The following FGF19 variants were observed in gnomAD, a reference collection of about 807,000 sequenced individuals.
The protein encoded by FGF19 is FGF-19.
In FGF19, 5 loss-of-function variants were observed where a neutral mutation model predicts 8.9. That is an observed-to-expected ratio of 0.56 (90% confidence interval 0.29 to 1.18). FGF19 has a LOEUF of 1.18. FGF19 is among the 50% of genes most tolerant of loss of function. The pLI is 0.08. For missense variants in FGF19, 237 were observed against 293.9 expected, an observed-to-expected ratio of 0.81 and a Z score of 1.42; for synonymous variants, 124 against 128.0, an observed-to-expected ratio of 0.97 and a Z score of 0.21.
chr11:69,699,511 G>A lies in FGF19; in HGVS notation c.402C>T (p.Tyr134=), dbSNP rs749084375. 48 of 1,614,028 alleles carry A rather than the reference G, an allele frequency of 3.0e-5. No individual in the cohort carries two copies. The highest frequency in any genetic ancestry group is 3.6e-5 in the Non-Finnish European group (43 of 1,180,012). The change falls in exon 3 of 3, where the codon TAC becomes TAT. Residue 134 remains tyrosine (Y), a synonymous_variant. Transcript: ENST00000294312. The part of the protein sequence containing the change: ...EEIRPDGYNV[Y]RSEKHRLPVS... ...CCGGGAGGCGGTGCTTCTCGGATCG[G>A]TACACATTGTAGCCATCTGGGCGGA... is the stretch of plus-strand genomic sequence containing the variant.
chr11:69,700,519 G>C (rs1854757202), intron 2 of FGF19, among the ~76,000 whole-genome samples: 1 of 152,200 alleles, frequency 6.6e-6, no homozygotes, highest in Non-Finnish European at 1.5e-5. Flanking sequence ...GGCACTTTGG[G>C]AAACACTGAT....
Position 69,703,991 on chromosome 11 carries a change from G to T in FGF19, c.-115C>A. On this transcript the variant is annotated 5_prime_UTR_variant, in exon 1 of 3. Coordinates refer to ENST00000294312, the MANE Select transcript of FGF19 (RefSeq NM_005117.3). The surrounding 1 kb of genome is among the most constrained non-coding windows in gnomAD (Gnocchi z 6.8). ...CCGGGTTGGGATGGTCGTGGCCCTA[G>T]ATCCTGGACGCAGCGCTCCTGCTCT... The T allele has an allele frequency of 1.7e-6, 1 of 587,562 alleles. No homozygotes were observed. The highest frequency in any genetic ancestry group is 2.5e-6 in the Non-Finnish European group (1 of 398,214). The allele number at this position is 587,562 out of a possible 1,614,324, so 36.4% of individuals were successfully genotyped here. A position where few individuals can be genotyped will look rare whatever the true frequency, so the allele number is the denominator to read the frequency against.
Position 69,699,181 on chromosome 11 carries a change from C to G in FGF19, c.*81G>C. ...AGCTAAACAGAACGTGGACTCAGGA[C>G]TGTTCTTGTAGAAGCACGTCCCCCA... On this transcript the variant is annotated 3_prime_UTR_variant, in exon 3 of 3. Coordinates refer to ENST00000294312, the MANE Select transcript of FGF19 (RefSeq NM_005117.3). 1 of 992,358 alleles carries G rather than the reference C, an allele frequency of 1.0e-6. No individual in the cohort carries two copies. The allele number at this position is 992,358 out of a possible 1,614,324, so 61.5% of individuals were successfully genotyped here.
chr11:69,702,542 G>T lies in FGF19; in HGVS notation c.336+719C>A, dbSNP rs1854786066. On this transcript the variant is annotated intron_variant, in intron 2 of 2. Transcript: ENST00000294312. The surrounding 1 kb of genome is among the most constrained non-coding windows in gnomAD (Gnocchi z 4.6). ...CCAGCCTTTGTTCCCGGCCACCAGAGCCCCAGCGCTCGTACACTTCCGGCC... is the reference window on the plus strand; with the variant it reads ...CCAGCCTTTGTTCCCGGCCACCAGATCCCCAGCGCTCGTACACTTCCGGCC... 6.6e-6 allele frequency among the ~76,000 whole-genome samples: 1 copy of T among 151,964 alleles called. No homozygotes were observed. Among genetic ancestry groups the T allele is most frequent in the South Asian group, 2.1e-4 (1 of 4,824 alleles).
rs1367634019 is a variant in FGF19, at chr11:69,702,351, T to A, written c.336+910A>T. Among the ~76,000 whole-genome samples, 1 of 152,164 alleles carries A rather than the reference T, an allele frequency of 6.6e-6. No individual in the cohort carries two copies. The highest frequency in any genetic ancestry group is 1.5e-5 in the Non-Finnish European group (1 of 68,006). On this transcript the variant is annotated intron_variant, in intron 2 of 2. Coordinates refer to ENST00000294312, the MANE Select transcript of FGF19 (RefSeq NM_005117.3). The surrounding 1 kb of genome is among the most constrained non-coding windows in gnomAD (Gnocchi z 4.6). ...GGCCGGAGGCGGCCCCGCCTCTGCA[T>A]CCTTTCTGGGGTGGGGGCCCCGGGC...
In FGF19 at chr11:69,703,530, G is replaced by C. The variant is rs1854801073; in HGVS notation, c.232+115C>G. ...CCAAAACCTGGGGTTCCCAGGAGTT[G>C]AGGGGTCCGCAGGAGCCTAAGGGTG... On this transcript the variant is annotated intron_variant, in intron 1 of 2. Transcript: ENST00000294312. The surrounding 1 kb of genome is among the most constrained non-coding windows in gnomAD (Gnocchi z 6.8). The C allele has an allele frequency of 1.3e-6, 1 of 787,962 alleles. No individual in the cohort carries two copies. Among genetic ancestry groups the C allele is most frequent in the Non-Finnish European group, 1.8e-6 (1 of 545,326 alleles). The allele number at this position is 787,962 out of a possible 1,614,324, so 48.8% of individuals were successfully genotyped here. A position where few individuals can be genotyped will look rare whatever the true frequency, so the allele number is the denominator to read the frequency against.
rs867572698 is a variant in FGF19 at position 69,703,986 on chromosome 11, C to T, written c.-110G>A. 1.4e-5 allele frequency: 9 copies of T among 634,220 alleles called. No individual in the cohort carries two copies. The highest frequency in any genetic ancestry group is 4.8e-4 in the Middle Eastern group (1 of 2,094). 39.3% of individuals were successfully genotyped at this position (634,220 alleles called of 1,614,324 possible). A position where few individuals can be genotyped will look rare whatever the true frequency, so the allele number is the denominator to read the frequency against. ...GAGTGCCGGGTTGGGATGGTCGTGG[C>T]CCTAGATCCTGGACGCAGCGCTCCT... On this transcript the variant is annotated 5_prime_UTR_variant, in exon 1 of 3. Coordinates refer to ENST00000294312, the MANE Select transcript of FGF19 (RefSeq NM_005117.3). The surrounding 1 kb of genome is among the most constrained non-coding windows in gnomAD (Gnocchi z 6.8).
At position 69,703,409 on chromosome 11, in the gene FGF19, C is replaced by T. The variant is rs1227217129; in HGVS notation, c.233-45G>A. On this transcript the variant is annotated intron_variant, in intron 1 of 2. Transcript: ENST00000294312. The surrounding 1 kb of genome is among the most constrained non-coding windows in gnomAD (Gnocchi z 6.8). ...GAAGCTGCAGCAAGGACCGCTGGGC[C>T]CGCACCACGTGGGTGCGGTCGGTCC... 4.1e-6 allele frequency: 6 copies of T among 1,466,220 alleles called. No individual in the cohort carries two copies. The highest frequency in any genetic ancestry group is 5.6e-6 in the Non-Finnish European group (6 of 1,067,388). The allele number at this position is 1,466,220 out of a possible 1,614,324, so 90.8% of individuals were successfully genotyped here. A position where few individuals can be genotyped will look rare whatever the true frequency, so the allele number is the denominator to read the frequency against.
Position 69,698,882 on chromosome 11 carries a change from C to T in FGF19, c.*380G>A, listed in dbSNP as rs950971962. The T allele has an allele frequency of 6.0e-5, 15 of 250,270 alleles. No individual in the cohort carries two copies. The highest frequency in any genetic ancestry group is 1.2e-4 in the Non-Finnish European group (15 of 128,008). 15.5% of individuals were successfully genotyped at this position (250,270 alleles called of 1,614,324 possible). On this transcript the variant is annotated 3_prime_UTR_variant, in exon 3 of 3. Coordinates refer to ENST00000294312, the MANE Select transcript of FGF19 (RefSeq NM_005117.3). Reference sequence around the variant, plus strand: ...AACTACTGCCTGTCTTCTGGCTGCTCCTGGGGAAGTGATGAGAAAAAATTA... The same window carrying T: ...AACTACTGCCTGTCTTCTGGCTGCTTCTGGGGAAGTGATGAGAAAAAATTA...
chr11:69,703,934 G>A lies in FGF19; in HGVS notation c.-58C>T. ...GCGATGGGGGTGCGGGAGGCTGGGCGGCGACCGGGATGCGCTGCGGGGCTG... is the reference window on the plus strand; with the variant it reads ...GCGATGGGGGTGCGGGAGGCTGGGCAGCGACCGGGATGCGCTGCGGGGCTG... On this transcript the variant is annotated 5_prime_UTR_variant, in exon 1 of 3. Coordinates refer to ENST00000294312, the MANE Select transcript of FGF19 (RefSeq NM_005117.3). The surrounding 1 kb of genome is among the most constrained non-coding windows in gnomAD (Gnocchi z 6.8). 9.2e-7 allele frequency: 1 copy of A among 1,089,760 alleles called. No homozygotes were observed. Among genetic ancestry groups the A allele is most frequent in the Non-Finnish European group, 1.2e-6 (1 of 854,222 alleles). The allele number at this position is 1,089,760 out of a possible 1,614,324, so 67.5% of individuals were successfully genotyped here.
In FGF19 at chr11:69,698,929, G is replaced by T. The variant is rs966068240; in HGVS notation, c.*333C>A. 1.1e-5 allele frequency: 3 copies of T among 276,308 alleles called. No homozygotes were observed. The highest frequency in any genetic ancestry group is 2.1e-5 in the Non-Finnish European group (3 of 145,794). 17.1% of individuals were successfully genotyped at this position (276,308 alleles called of 1,614,324 possible). A position where few individuals can be genotyped will look rare whatever the true frequency, so the allele number is the denominator to read the frequency against. Reference sequence around the variant, plus strand: ...ATTAGAGAATTTCAGCTTGACATAAGAATTTTTCCAAAGGAAGTGAGTTCC... The same window carrying T: ...ATTAGAGAATTTCAGCTTGACATAATAATTTTTCCAAAGGAAGTGAGTTCC... On this transcript the variant is annotated 3_prime_UTR_variant, in exon 3 of 3. Coordinates refer to ENST00000294312, the MANE Select transcript of FGF19 (RefSeq NM_005117.3).
rs991399462 is a variant in FGF19, at chr11:69,702,196, A to G, written c.336+1065T>C. On this transcript the variant is annotated intron_variant, in intron 2 of 2. Coordinates refer to ENST00000294312, the MANE Select transcript of FGF19 (RefSeq NM_005117.3). The surrounding 1 kb of genome is among the most constrained non-coding windows in gnomAD (Gnocchi z 4.6). ...CGTGCCGACCACCCCCTTTCTCTGC[A>G]GTCCTCTCACGCAGGACTCCGCCAT... Among the ~76,000 whole-genome samples the G allele has an allele frequency of 6.6e-6, 1 of 152,048 alleles. No individual in the cohort carries two copies. The highest frequency in any genetic ancestry group is 2.4e-5 in the African/African-American group (1 of 41,392).
rs919048813 is a variant in FGF19, at chr11:69,702,498, G to A, written c.336+763C>T. Reference sequence around the variant, plus strand: ...CGCGCGGGGCCGCGGGAGGGGCGCGGGTTCGTTCCTTTGAACTCCCAGCCT... The same window carrying A: ...CGCGCGGGGCCGCGGGAGGGGCGCGAGTTCGTTCCTTTGAACTCCCAGCCT... On this transcript the variant is annotated intron_variant, in intron 2 of 2. Transcript: ENST00000294312. The surrounding 1 kb of genome is among the most constrained non-coding windows in gnomAD (Gnocchi z 4.6). 1.3e-5 allele frequency among the ~76,000 whole-genome samples: 2 copies of A among 152,090 alleles called. No individual in the cohort carries two copies. The highest frequency in any genetic ancestry group is 2.9e-5 in the Non-Finnish European group (2 of 68,018).
Position 69,703,585 on chromosome 11 carries a change from CGCGCGCAGCGGGGTGGGGT to C in FGF19, c.232+41_232+59del, listed in dbSNP as rs1854802149. The C allele has an allele frequency of 3.8e-6, 3 of 794,078 alleles. No individual in the cohort carries two copies. The highest frequency in any genetic ancestry group is 4.8e-6 in the Non-Finnish European group (3 of 621,990). The allele number at this position is 794,078 out of a possible 1,614,324, so 49.2% of individuals were successfully genotyped here. A position where few individuals can be genotyped will look rare whatever the true frequency, so the allele number is the denominator to read the frequency against. ...AGGAAGGAAGGGCGCTGGGGTGGGG[CGCGCGCAGCGGGGTGGGGT>C]GCGCGCGGCGGGGCGGGCGGGGGTG... On this transcript the variant is annotated intron_variant, in intron 1 of 2. Transcript: ENST00000294312. This position sits in a 1 kb window ranked among gnomAD's most constrained non-coding sequence, Gnocchi z 6.8.
intron 2 of FGF19, among the ~76,000 whole-genome samples, chr11:69,699,932 C>G (rs1474945490): frequency 2.0e-5 from 3 of 151,968 alleles, no homozygotes; most frequent in Non-Finnish European, 4.4e-5. Flanking sequence ...ACAAAAAGTA[C>G]AAACATTAGC....
Position 69,699,532 on chromosome 11 carries a change from G to A in FGF19, c.381C>T (p.Arg127=). 1 of 1,614,028 alleles carries A rather than the reference G, an allele frequency of 6.2e-7. No individual in the cohort carries two copies. The highest frequency in any genetic ancestry group is 8.5e-7 in the Non-Finnish European group (1 of 1,179,964). ...ATCGGTACACATTGTAGCCATCTGG[G>A]CGGATCTCCTCCTCGAAAGCACAGT... ...EEDCAFEEEI[R]PDGYNVYRSE... Residue 127 remains arginine (R), a synonymous_variant, in exon 3 of 3, where the codon CGC becomes CGT. Coordinates refer to ENST00000294312, the MANE Select transcript of FGF19 (RefSeq NM_005117.3).
Position 69,703,846 on chromosome 11 carries a change from A to G in FGF19, c.31T>C (p.Trp11Arg). The G allele has an allele frequency of 8.1e-7, 1 of 1,241,964 alleles. No individual in the cohort carries two copies. Among genetic ancestry groups the G allele is most frequent in the South Asian group, 3.7e-5 (1 of 27,208 alleles). 76.9% of individuals were successfully genotyped at this position (1,241,964 alleles called of 1,614,324 possible). A position where few individuals can be genotyped will look rare whatever the true frequency, so the allele number is the denominator to read the frequency against. Residue 11 changes from tryptophan to arginine, a missense_variant, in exon 1 of 3, where the codon TGG becomes CGG. Coordinates refer to ENST00000294312, the MANE Select transcript of FGF19 (RefSeq NM_005117.3). This position sits in a 1 kb window ranked among gnomAD's most constrained non-coding sequence, Gnocchi z 6.8. MRSGCVVVHVWILAGLWLAVA... is the reference protein window; with the variant it reads MRSGCVVVHVRILAGLWLAVA... Reference sequence around the variant, plus strand: ...GCCAGCCAGAGGCCGGCCAGGATCCATACGTGGACCACCACACACCCGCTC... The same window carrying G: ...GCCAGCCAGAGGCCGGCCAGGATCCGTACGTGGACCACCACACACCCGCTC...
At position 69,703,662 on chromosome 11, in the gene FGF19, C is replaced by G. The variant is rs1168009941; in HGVS notation, c.215G>C (p.Arg72Pro). The G allele has an allele frequency of 2.4e-6, 3 of 1,232,120 alleles. No homozygotes were observed. Among genetic ancestry groups the G allele is most frequent in the Non-Finnish European group, 3.0e-6 (3 of 988,442 alleles). The allele number at this position is 1,232,120 out of a possible 1,614,324, so 76.3% of individuals were successfully genotyped here. Reference protein sequence around the residue: ...IRADGVVDCARGQSAHSLLEI... With the variant: ...IRADGVVDCAPGQSAHSLLEI... ...GCACTCACTGTGCGCGCTCTGGCCC[C>G]GCGCGCAGTCCACGACGCCGTCGGC... Residue 72 changes from arginine (R) to proline (P), a missense_variant, in exon 1 of 3, where the codon CGG (arginine) becomes CCG (proline). Physicochemically the swap from Arg to Pro is moderately radical, Grantham distance 103. Coordinates refer to ENST00000294312, the MANE Select transcript of FGF19 (RefSeq NM_005117.3). This position sits in a 1 kb window ranked among gnomAD's most constrained non-coding sequence, Gnocchi z 6.8.
chr11:69,700,341 A>G (rs1313879686), intron 2 of FGF19, among the ~76,000 whole-genome samples: 1 of 152,170 alleles, frequency 6.6e-6, no homozygotes, highest in Admixed American at 6.6e-5. Flanking sequence ...TACTACATAT[A>G]CACTCTATAT....
Sources: allele counts gnomAD v4.1 joint callset (sites outside exome capture counted in the v4.1 genomes callset), GRCh38; gene constraint gnomAD v4.1.1; non-coding constraint Gnocchi (gnomAD v3.1); transcripts MANE v1.5; gene names NCBI Gene and HGNC (gene_info 2026-07-23, HGNC 2026-07-21).